LRRTM4: variants seen among roughly 807,000 people sequenced by gnomAD.
The protein encoded by LRRTM4 is leucine rich repeat transmembrane neuronal 4, also known as leucine-rich repeat transmembrane neuronal protein 4.
Under a neutral mutation model 47.6 loss-of-function variants are expected in LRRTM4, and 25 were observed. The observed-to-expected ratio is 0.53, with a 90% confidence interval of 0.38 to 0.73. The LOEUF is 0.73. Among genes scored for constraint, LRRTM4 ranks in the 30% least tolerant of loss-of-function variants. The pLI, the probability that LRRTM4 is intolerant of heterozygous loss-of-function variation, is 0.00. For missense variants in LRRTM4, 638 were observed against 713.4 expected, an observed-to-expected ratio of 0.89 and a Z score of 1.20; for synonymous variants, 311 against 269.5, an observed-to-expected ratio of 1.15 and a Z score of -1.51.
At chr2:76,842,456 A>C (rs553998794) in intron 3 of LRRTM4, among the ~76,000 whole-genome samples, 1 of 152,340 alleles carries the variant, frequency 6.6e-6, no homozygotes, top group South Asian at 2.1e-4. Flanking sequence ...TCCATTGTAT[A>C]TTGAAAATAC....
intron 3 of LRRTM4, among the ~76,000 whole-genome samples, chr2:76,943,761 C>T (rs1469040084): frequency 5.3e-5 from 8 of 152,160 alleles, no homozygotes. Flanking sequence ...TATTATGCAT[C>T]TGAATTATTA....
intron 3 of LRRTM4, among the ~76,000 whole-genome samples, chr2:76,953,670 C>A (rs1284203588): frequency 6.6e-6 from 1 of 151,858 alleles, no homozygotes; most frequent in Non-Finnish European, 1.5e-5. Flanking sequence ...GACTACACAT[C>A]ATACCACACA....
chr2:77,408,868 C>T (rs777261741), intron 3 of LRRTM4, among the ~76,000 whole-genome samples: 1 of 152,098 alleles, frequency 6.6e-6, no homozygotes, highest in Non-Finnish European at 1.5e-5. Flanking sequence ...AAATGAATAT[C>T]AATTAAACAG....
chr2:76,993,471 GA>G (rs1470125419), intron 3 of LRRTM4, among the ~76,000 whole-genome samples: 1 of 151,814 alleles, frequency 6.6e-6, no homozygotes, highest in Non-Finnish European at 1.5e-5. Flanking sequence ...CTTCTCAAAA[GA>G]AAACATACAT....
intron 3 of LRRTM4, among the ~76,000 whole-genome samples, chr2:77,087,315 A>C (rs1358087389): frequency 6.6e-6 from 1 of 152,252 alleles, no homozygotes; most frequent in Non-Finnish European, 1.5e-5. Context: ...GATTTTACCT[A>C]TCTAGTCCTA....
At chr2:77,482,150 A>G (rs1335506324) in intron 3 of LRRTM4, among the ~76,000 whole-genome samples, 1 of 152,196 alleles carries the variant, frequency 6.6e-6, no homozygotes, top group Admixed American at 6.5e-5. Context: ...AAGATAATAG[A>G]TGAAGGAAGC....
intron 3 of LRRTM4, among the ~76,000 whole-genome samples, chr2:77,152,892 G>T (rs1009110973): frequency 2.0e-5 from 3 of 152,080 alleles, no homozygotes; most frequent in Admixed American, 6.6e-5. Flanking sequence ...TTTAAATCAA[G>T]CTAGTTAACA....
At chr2:77,075,001 C>G (rs1196955461) in intron 3 of LRRTM4, among the ~76,000 whole-genome samples, 1 of 152,122 alleles carries the variant, frequency 6.6e-6, no homozygotes, top group Non-Finnish European at 1.5e-5. Flanking sequence ...AGACTCCTAA[C>G]TTGTTGCTAA....
chr2:77,277,133 A>G (rs2104088947), intron 3 of LRRTM4, among the ~76,000 whole-genome samples: 1 of 152,138 alleles, frequency 6.6e-6, no homozygotes, highest in South Asian at 2.1e-4. Flanking sequence ...GATTTTCTGT[A>G]ATGTGCCACA....
chr2:77,491,055 G>T (rs1240505926), intron 3 of LRRTM4, among the ~76,000 whole-genome samples: 1 of 151,708 alleles, frequency 6.6e-6, no homozygotes, highest in Non-Finnish European at 1.5e-5. Context: ...AATGCAAAAG[G>T]ATGACAAAAT....
intron 3 of LRRTM4, among the ~76,000 whole-genome samples, chr2:77,027,383 G>C (rs1384888766): frequency 2.0e-5 from 3 of 152,114 alleles, no homozygotes; most frequent in Non-Finnish European, 2.9e-5. Context: ...AGAATGAATA[G>C]TCACAGCATG....
chr2:77,116,515 ACT>A (rs1479680312), intron 3 of LRRTM4, among the ~76,000 whole-genome samples: 3 of 152,104 alleles, frequency 2.0e-5, no homozygotes, highest in African/African-American at 7.2e-5. Context: ...TTTTTAGCAA[ACT>A]AATATTTTAG....
intron 3 of LRRTM4, among the ~76,000 whole-genome samples, chr2:76,796,574 T>C (rs918704541): frequency 1.7e-5 from 2 of 118,460 alleles, no homozygotes; most frequent in African/African-American, 7.6e-5. Context: ...CGGCAGGGTA[T>C]TCCAACAGAC....
intron 3 of LRRTM4, among the ~76,000 whole-genome samples, chr2:76,953,819 C>G: frequency 6.6e-6 from 1 of 151,910 alleles, no homozygotes; most frequent in Middle Eastern, 3.2e-3. Context: ...ACTGTCTTAT[C>G]TGACTCAGAG....
intron 3 of LRRTM4, among the ~76,000 whole-genome samples, chr2:77,455,253 A>G (rs1295504641): frequency 6.6e-6 from 1 of 152,176 alleles, no homozygotes; most frequent in Non-Finnish European, 1.5e-5. Context: ...GAACATAGAG[A>G]CCATAGAGAC....
At chr2:77,467,047 C>T (rs1280448688) in intron 3 of LRRTM4, among the ~76,000 whole-genome samples, 2 of 152,092 alleles carry the variant, frequency 1.3e-5, no homozygotes, top group Non-Finnish European at 2.9e-5. Flanking sequence ...AGTATTGGTA[C>T]TGAAATTAAA....
chr2:77,426,944 C>G (rs999606684), intron 3 of LRRTM4, among the ~76,000 whole-genome samples: 2 of 150,928 alleles, frequency 1.3e-5, no homozygotes, highest in African/African-American at 4.9e-5. Flanking sequence ...CCTGTATTCC[C>G]CTTTATTCTT....
chr2:76,781,306 G>C (rs1162194188), intron 3 of LRRTM4, among the ~76,000 whole-genome samples: 1 of 145,568 alleles, frequency 6.9e-6, no homozygotes, highest in Non-Finnish European at 1.5e-5. Flanking sequence ...TGGCTGCTTT[G>C]TTTACCTAAT....
chr2:76,944,812 G>T (rs777005594), intron 3 of LRRTM4, among the ~76,000 whole-genome samples: 2 of 151,922 alleles, frequency 1.3e-5, no homozygotes, highest in African/African-American at 4.8e-5. Context: ...TACAAATGGC[G>T]AGTAAAAAGA....
Sources: allele counts gnomAD v4.1 joint callset (sites outside exome capture counted in the v4.1 genomes callset), GRCh38; gene constraint gnomAD v4.1.1; transcripts MANE v1.5; gene names NCBI Gene and HGNC (gene_info 2026-07-23, HGNC 2026-07-21).